UGT1A7: variants seen among roughly 807,000 people sequenced by gnomAD.
UGT1A7 encodes UDP-glucuronosyltransferase 1A7.
Under a neutral mutation model 45.6 loss-of-function variants are expected in UGT1A7, and 33 were observed. The observed-to-expected ratio is 0.72, with a 90% CI of 0.55 to 0.97. The LOEUF (loss-of-function observed/expected upper bound fraction) is 0.97, where lower values mean the gene tolerates loss of function less well. Among genes scored for constraint, UGT1A7 ranks in the 50% least tolerant of loss-of-function variants. The probability of loss-of-function intolerance (pLI) is 0.00; values close to 1 mark genes in which losing one functional copy is unlikely to be tolerated. For missense variants in UGT1A7, 684 were observed against 666.2 expected (o/e 1.03, Z -0.29); for synonymous variants, 274 against 250.6 (o/e 1.09, Z -0.88).
At chr2:233,732,380 T>C (rs1265735798) in intron 1 of UGT1A7, among the ~76,000 whole-genome samples, 1 of 152,104 alleles carries the variant, frequency 6.6e-6, no homozygotes, top group Non-Finnish European at 1.5e-5. Context: ...CTATGTCTTC[T>C]AGGCCATGCC....
chr2:233,745,309 A>G (rs1470353088), intron 1 of UGT1A7, among the ~76,000 whole-genome samples: 1 of 151,872 alleles, frequency 6.6e-6, no homozygotes, highest in African/African-American at 2.4e-5. Context: ...TGCAGTGATT[A>G]TTTCCACTAG....
intron 1 of UGT1A7, among the ~76,000 whole-genome samples, chr2:233,716,957 A>G (rs2076536367): frequency 6.6e-6 from 1 of 152,152 alleles, no homozygotes; most frequent in Non-Finnish European, 1.5e-5. Context: ...GGCACCAGGA[A>G]TGTGAGCTTC....
chr2:233,690,950 T>G (rs2075022597), intron 1 of UGT1A7: 1 of 1,011,308 alleles, frequency 9.9e-7, no homozygotes. Context: ...TCATGTTCTG[T>G]AGGGACTTCT....
chr2:233,689,898 G>A (rs989721018), intron 1 of UGT1A7: 8 of 456,472 alleles, frequency 1.8e-5, no homozygotes, highest in African/African-American at 1.6e-4. Context: ...TTATTTCTCA[G>A]GGCCAGGTAG....
At chr2:233,690,258 A>G (rs1172193449) in intron 1 of UGT1A7, among the ~76,000 whole-genome samples, 3 of 152,212 alleles carry the variant, frequency 2.0e-5, no homozygotes, top group Non-Finnish European at 4.4e-5. Flanking sequence ...TTAAGTCTCA[A>G]ACATTTTGCA....
Position 233,757,535 on chromosome 2 carries a change from A to AATATATATACATATACATATAT in UGT1A7, c.856-9490_856-9489insCATATACATATATATATATATA, listed in dbSNP as rs376887521. Among the ~76,000 whole-genome samples, 172 of 87,958 alleles carry AATATATATACATATACATATAT rather than the reference A, an allele frequency of 2.0e-3. 2 individuals carry two copies. The highest frequency in any genetic ancestry group is 3.2e-3 in the South Asian group (6 of 1,904). The allele number at this position is 87,958 out of a possible 152,430, so 57.7% of individuals were successfully genotyped here. On this transcript the variant is annotated intron_variant, in intron 1 of 4. Coordinates refer to ENST00000373426, the MANE Select transcript of UGT1A7 (RefSeq NM_019077.3). ...CAAAGCCAAAATCTTGCCTGTAAGG[A>AATATATATACATATACATATAT]ATATATATATATATATATATATATA... is the stretch of plus-strand genomic sequence containing the variant.
chr2:233,760,535 T>G (rs1425697704), intron 1 of UGT1A7: 1 of 1,614,120 alleles, frequency 6.2e-7, no homozygotes, highest in African/African-American at 1.3e-5. Context: ...CCTGTGCCAT[T>G]CCAAAGGGAG....
chr2:233,751,941 T>C (rs1479720548), intron 1 of UGT1A7, among the ~76,000 whole-genome samples: 1 of 152,170 alleles, frequency 6.6e-6, no homozygotes, highest in South Asian at 2.1e-4. Context: ...GAAGTTATAC[T>C]GAAAGGGTTT....
intron 1 of UGT1A7, chr2:233,713,127 G>A: frequency 6.2e-7 from 1 of 1,614,246 alleles, no homozygotes; most frequent in Non-Finnish European, 8.5e-7. Flanking sequence ...CAGCATGCGG[G>A]AGGCCTTGCG....
chr2:233,703,725 A>AC (rs2125593677), intron 1 of UGT1A7, among the ~76,000 whole-genome samples: 1 of 152,128 alleles, frequency 6.6e-6, no homozygotes, highest in East Asian at 1.9e-4. Flanking sequence ...TTAAATATAA[A>AC]CTTTTTTTTG....
At chr2:233,729,001 C>A in intron 1 of UGT1A7, 4 of 1,564,656 alleles carry the variant, frequency 2.6e-6, no homozygotes, top group Non-Finnish European at 3.5e-6. Flanking sequence ...TAGAGGAGGG[C>A]ACTCTGTCTT....
intron 1 of UGT1A7, chr2:233,691,645 G>C: frequency 2.0e-6 from 2 of 985,472 alleles, no homozygotes; most frequent in South Asian, 4.7e-5. Context: ...GGCAGGGCCA[G>C]TGTGACCCTC....
Position 233,773,095 on chromosome 2 carries a change from A to C in UGT1A7, c.*536A>C. On this transcript the variant is annotated 3_prime_UTR_variant, in exon 5 of 5. Coordinates refer to ENST00000373426, the MANE Select transcript of UGT1A7 (RefSeq NM_019077.3). ...ATGAATGGCTTGGAGTGCACTGAGA[A>C]CAGCATATGATTTCTTGCTTTGGGG... 6.3e-6 allele frequency: 1 copy of C among 159,994 alleles called. No individual in the cohort carries two copies. Among genetic ancestry groups the C allele is most frequent in the Non-Finnish European group, 1.4e-5 (1 of 71,916 alleles). The allele number at this position is 159,994 out of a possible 1,614,324, so 9.9% of individuals were successfully genotyped here. A position where few individuals can be genotyped will look rare whatever the true frequency, so the allele number is the denominator to read the frequency against.
chr2:233,731,043 C>T (rs765332681), intron 1 of UGT1A7, among the ~76,000 whole-genome samples: 13 of 152,202 alleles, frequency 8.5e-5, no homozygotes, highest in East Asian at 1.9e-4. Context: ...TCATATTCAC[C>T]GAATGTGTAT....
At chr2:233,724,300 C>A (rs1204740758) in intron 1 of UGT1A7, among the ~76,000 whole-genome samples, 1 of 143,820 alleles carries the variant, frequency 7.0e-6, no homozygotes, top group Non-Finnish European at 1.5e-5. Context: ...GACCCCCCCA[C>A]CTCCCTCCCG....
intron 1 of UGT1A7, among the ~76,000 whole-genome samples, chr2:233,731,482 G>A (rs562723642): frequency 2.0e-5 from 3 of 152,088 alleles, no homozygotes; most frequent in African/African-American, 7.2e-5. Flanking sequence ...TCCCTGGCCT[G>A]TGTCCAGTGT....
rs181518181 is a variant in UGT1A7 at position 233,744,372 on chromosome 2, A to G, written c.856-22662A>G. ...AAGACATCCTGTTGTTTAGGACTGC[A>G]GTTCTCCAACGTTCCAGCCCCGGTG... On this transcript the variant is annotated intron_variant, in intron 1 of 4. Transcript: ENST00000373426. Among the ~76,000 whole-genome samples the G allele has an allele frequency of 2.4e-4, 37 of 152,006 alleles. 1 individual carries two copies. Among genetic ancestry groups the G allele is most frequent in the South Asian group, 4.1e-4 (2 of 4,828 alleles).
At chr2:233,724,842 G>C (rs2077321270) in intron 1 of UGT1A7, among the ~76,000 whole-genome samples, 1 of 132,456 alleles carries the variant, frequency 7.5e-6, no homozygotes, top group Non-Finnish European at 1.6e-5. Flanking sequence ...GGAGGCCAAG[G>C]CAGGCGGCTG....
In UGT1A7 at chr2:233,686,112, AC is replaced by A. The variant is rs965881190; in HGVS notation, c.855+3323del. ...TCCAAGTCCAAGAGAATGAAGTTGC[AC>A]CCTTACCTTGTATCATATATAAAAA... On this transcript the variant is annotated intron_variant, in intron 1 of 4. Coordinates refer to ENST00000373426, the MANE Select transcript of UGT1A7 (RefSeq NM_019077.3). 7.0e-4 allele frequency among the ~76,000 whole-genome samples: 107 copies of A among 152,284 alleles called. 1 individual carries two copies. The highest frequency in any genetic ancestry group is 2.3e-3 in the African/African-American group (96 of 41,562).
Sources: gnomAD v4.1 joint callset for allele counts (sites outside exome capture counted in the v4.1 genomes callset) on GRCh38, gnomAD v4.1.1 for gene constraint, MANE v1.5 for transcripts, NCBI Gene and HGNC (gene_info 2026-07-23, HGNC 2026-07-21) for gene names.